Variants in THBS1 observed in about 807,000 individuals in gnomAD.
THBS1 encodes thrombospondin-1.
A neutral mutation model predicts 126.1 loss-of-function variants in THBS1; 29 were observed. The observed-to-expected ratio is 0.23, with a 90% confidence interval of 0.17 to 0.31. The LOEUF is 0.31. Among genes scored for constraint, THBS1 ranks in the 10% least tolerant of loss-of-function variants. THBS1 has a pLI of 1.00. For synonymous variants in THBS1, 496 were observed against 577.8 expected (o/e 0.86, Z 2.03); for missense variants, 1,198 against 1,545.2 (o/e 0.78, Z 3.77).
chr15:39,590,102 C>T, intron 13 of THBS1, 79 bp downstream of exon 13: 1 of 1,267,156 alleles, frequency 7.9e-7, no homozygotes, highest in South Asian at 1.7e-5. Flanking sequence ...ATTTTAAATA[C>T]TTAAAGTTTG....
intron 7 of THBS1, chr15:39,586,491 G>A (rs1348123058): frequency 6.6e-6 from 1 of 152,358 alleles, no homozygotes; most frequent in South Asian, 2.1e-4. Flanking sequence ...ACAGCTAGAT[G>A]TGATTGTAGC....
intron 14 of THBS1, 124 bp downstream of exon 14, chr15:39,590,747 A>C: frequency 1.3e-6 from 1 of 742,872 alleles, no homozygotes; most frequent in Non-Finnish European, 2.3e-6. Flanking sequence ...CAGGATAATT[A>C]GAAATTATTC....
Position 39,582,430 on chromosome 15 carries a change from G to T in THBS1, c.305G>T (p.Gly102Val), listed in dbSNP as rs942247884. The T allele has an allele frequency of 1.9e-6, 3 of 1,614,126 alleles. No individual in the cohort carries two copies. Among genetic ancestry groups the T allele is most frequent in the Non-Finnish European group, 2.5e-6 (3 of 1,179,992 alleles). ...ASLRQMKKTR[G>V]TLLALERKDH... The stretch of plus-strand genomic sequence containing the variant: ...CTGAGGCAGATGAAGAAGACCCGGG[G>T]CACGCTGCTGGCCCTGGAGCGGAAA... Residue 102 changes from glycine to valine, a missense_variant, in exon 3 of 22, where the codon GGC becomes GTC. Gly to Val is a moderately radical substitution (Grantham distance 109). Transcript: ENST00000260356.
rs768628688 is a variant in THBS1 at position 39,582,452 on chromosome 15, G to C, written c.327G>C (p.Arg109=). ...KTRGTLLALE[R]KDHSGQVFSV... ...GGGGCACGCTGCTGGCCCTGGAGCG[G>C]AAAGACCACTCTGGCCAGGTCTTCA... Residue 109 remains arginine, a synonymous_variant, in exon 3 of 22, where the codon CGG becomes CGC. Transcript: ENST00000260356. The C allele has an allele frequency of 6.2e-7, 1 of 1,614,050 alleles. No individual in the cohort carries two copies. The highest frequency in any genetic ancestry group is 8.5e-7 in the Non-Finnish European group (1 of 1,180,002).
Position 39,582,764 on chromosome 15 carries a change from T to A in THBS1, c.627+12T>A, listed in dbSNP as rs776427226. Reference sequence around the variant, plus strand: ...ATGACAATTTCCAGGTGAGGCTTCTTCTCTGAGCCCTGCTCCGTGGGATCA... The same window carrying A: ...ATGACAATTTCCAGGTGAGGCTTCTACTCTGAGCCCTGCTCCGTGGGATCA... On this transcript the variant is annotated intron_variant, in intron 3 of 21. Coordinates refer to ENST00000260356, the MANE Select transcript of THBS1 (RefSeq NM_003246.4). 6.3e-7 allele frequency: 1 copy of A among 1,595,294 alleles called. No individual in the cohort carries two copies. The highest frequency in any genetic ancestry group is 8.5e-7 in the Non-Finnish European group (1 of 1,171,748).
In THBS1 at chr15:39,588,039, T is replaced by C. The variant is rs780941635; in HGVS notation, c.1295-3T>C. On this transcript the variant is annotated splice_polypyrimidine_tract_variant and splice_region_variant and intron_variant, in intron 8 of 21. Coordinates refer to ENST00000260356, the MANE Select transcript of THBS1 (RefSeq NM_003246.4). ...ATTTGTGACCATCAACTCTGTACTT[T>C]AGTTAAACAGGATGGTGGCTGGAGC... The C allele has an allele frequency of 5.0e-6, 8 of 1,613,696 alleles. No homozygotes were observed. The highest frequency in any genetic ancestry group is 3.3e-5 in the South Asian group (3 of 90,972).
In THBS1 at chr15:39,597,486, ATTTG is replaced by A. The variant is rs1890495573; in HGVS notation, c.*2120_*2123del. On this transcript the variant is annotated 3_prime_UTR_variant, in exon 22 of 22. Coordinates refer to ENST00000260356, the MANE Select transcript of THBS1 (RefSeq NM_003246.4). ...ATTTATACTTACTGTATCCATGCTTATTTGTTCTCTACTGGCTTTATGTCATGAA... is the reference window on the plus strand; with the variant it reads ...ATTTATACTTACTGTATCCATGCTTATTCTCTACTGGCTTTATGTCATGAA... The A allele has an allele frequency of 6.6e-6, 1 of 152,008 alleles. No homozygotes were observed. Among genetic ancestry groups the A allele is most frequent in the African/African-American group, 2.4e-5 (1 of 41,396 alleles). The allele number at this position is 152,008 out of a possible 1,614,324, so 9.4% of individuals were successfully genotyped here. A position where few individuals can be genotyped will look rare whatever the true frequency, so the allele number is the denominator to read the frequency against.
chr15:39,583,795 A>G, intron 4 of THBS1, 103 bp downstream of exon 4: 1 of 1,339,282 alleles, frequency 7.5e-7, no homozygotes, highest in Non-Finnish European at 1.1e-6. Flanking sequence ...AATTACCCCC[A>G]GTGAGATCAT....
rs770535076 is a variant in THBS1, at chr15:39,593,701, C to T, written c.3267+33C>T. 1.2e-4 allele frequency: 193 copies of T among 1,605,634 alleles called. No homozygotes were observed. The highest frequency in any genetic ancestry group is 2.2e-4 in the Middle Eastern group (1 of 4,554). ...GCAAAGCCCTGGAACAGAGAGAGAG[C>T]TTATGGGTGCCTGACTAGCACTGGG... On this transcript the variant is annotated intron_variant, in intron 19 of 21. Transcript: ENST00000260356. The surrounding 1 kb of genome is among the most constrained non-coding windows in gnomAD (Gnocchi z 5.9).
In THBS1 at chr15:39,596,600, T is replaced by A. The variant is rs1890451243; in HGVS notation, c.*1231T>A. 6.6e-6 allele frequency: 1 copy of A among 152,234 alleles called. No homozygotes were observed. Among genetic ancestry groups the A allele is most frequent in the Non-Finnish European group, 1.5e-5 (1 of 68,056 alleles). The allele number at this position is 152,234 out of a possible 1,614,324, so 9.4% of individuals were successfully genotyped here. On this transcript the variant is annotated 3_prime_UTR_variant, in exon 22 of 22. Transcript: ENST00000260356. ...TAGTTGACATTTATCAGCAAATCTC[T>A]TGCAAGAACAGCACAAGGAAAATCA... is the stretch of plus-strand genomic sequence containing the variant.
In THBS1 at chr15:39,589,791, T is replaced by G; in HGVS notation, c.1927-14T>G. The G allele has an allele frequency of 6.3e-7, 1 of 1,585,754 alleles. No homozygotes were observed. Among genetic ancestry groups the G allele is most frequent in the Non-Finnish European group, 8.6e-7 (1 of 1,165,750 alleles). On this transcript the variant is annotated splice_polypyrimidine_tract_variant and intron_variant, in intron 12 of 21. Coordinates refer to ENST00000260356, the MANE Select transcript of THBS1 (RefSeq NM_003246.4). The surrounding 1 kb of genome is among the most constrained non-coding windows in gnomAD (Gnocchi z 4.7). ...TCAAAAGCTCTGTGTAACAGCAGCA[T>G]GGTGTACCCTCAGGTGTGCAAGCCC...
At position 39,595,447 on chromosome 15, in the gene THBS1, A is replaced by C; in HGVS notation, c.*78A>C. On this transcript the variant is annotated 3_prime_UTR_variant, in exon 22 of 22. Coordinates refer to ENST00000260356, the MANE Select transcript of THBS1 (RefSeq NM_003246.4). ...CTTCTGGAACTATGGGCTTGAGAAA[A>C]CCCCCAGGATCACTTCTCCTTGGCT... The C allele has an allele frequency of 6.8e-7, 1 of 1,466,370 alleles. No individual in the cohort carries two copies. Among genetic ancestry groups the C allele is most frequent in the Non-Finnish European group, 9.0e-7 (1 of 1,105,514 alleles). 90.8% of individuals were successfully genotyped at this position (1,466,370 alleles called of 1,614,324 possible).
chr15:39,597,008 C>G lies in THBS1; in HGVS notation c.*1639C>G, dbSNP rs1477820872. ...GTCAGTGTTGTACATAGCATAAAAACTCTGCAGAGAAGTATTCCCAATAAG... is the reference window on the plus strand; with the variant it reads ...GTCAGTGTTGTACATAGCATAAAAAGTCTGCAGAGAAGTATTCCCAATAAG... On this transcript the variant is annotated 3_prime_UTR_variant, in exon 22 of 22. Transcript: ENST00000260356. 1 of 152,186 alleles carries G rather than the reference C, an allele frequency of 6.6e-6. No homozygotes were observed. Among genetic ancestry groups the G allele is most frequent in the Non-Finnish European group, 1.5e-5 (1 of 68,032 alleles). 9.4% of individuals were successfully genotyped at this position (152,186 alleles called of 1,614,324 possible).
At position 39,588,466 on chromosome 15, in the gene THBS1, T is replaced by C; in HGVS notation, c.1472-60T>C. ...TCTTGAACGGGCTTAGGAGAGTCTA[T>C]GACAAGGGAGGGATTTGAAAGTTGA... On this transcript the variant is annotated intron_variant, in intron 9 of 21. Coordinates refer to ENST00000260356, the MANE Select transcript of THBS1 (RefSeq NM_003246.4). The C allele has an allele frequency of 9.2e-6, 14 of 1,514,248 alleles. No homozygotes were observed. The South Asian group carries it at 1.8e-4, about 19-fold the overall frequency. 93.8% of individuals were successfully genotyped at this position (1,514,248 alleles called of 1,614,324 possible).
intron 8 of THBS1, 23 bp downstream of exon 8, chr15:39,587,543 G>T: frequency 6.3e-7 from 1 of 1,597,470 alleles, no homozygotes; most frequent in Non-Finnish European, 8.5e-7. Context: ...GCCTCTCAGG[G>T]ACGTGGAGAA....
chr15:39,584,541 G>GTT, intron 6 of THBS1, 119 bp downstream of exon 6: 1 of 1,350,126 alleles, frequency 7.4e-7, no homozygotes, highest in Non-Finnish European at 9.9e-7. Context: ...TGATAACAAA[G>GTT]TGTTTTTTTT....
At chr15:39,581,639 C>CCACT (rs1555384650) in intron 1 of THBS1, 190 bp from the exon 2 acceptor site, 1 of 339,452 alleles carries the variant, frequency 2.9e-6, no homozygotes, top group African/African-American at 2.8e-5. Flanking sequence ...CTTTCCTCCA[C>CCACT]CTCTCTCTCT....
chr15:39,593,454 G>A lies in THBS1; in HGVS notation c.3053G>A (p.Arg1018Lys), dbSNP rs1890369958. The change falls in exon 19 of 22, where the codon AGG (arginine) becomes AAG (lysine). Residue 1018 changes from arginine to lysine, a missense_variant. By Grantham distance (26) the Arg-to-Lys change is conservative. Coordinates refer to ENST00000260356, the MANE Select transcript of THBS1 (RefSeq NM_003246.4). The surrounding 1 kb of genome is among the most constrained non-coding windows in gnomAD (Gnocchi z 5.9). Reference sequence around the variant, plus strand: ...GGCACCTTCTTCATCAACACCGAAAGGGACGATGACTATGCTGGATTTGTC... The same window carrying A: ...GGCACCTTCTTCATCAACACCGAAAAGGACGATGACTATGCTGGATTTGTC... ...FSGTFFINTERDDDYAGFVFG... is the reference protein window; with the variant it reads ...FSGTFFINTEKDDDYAGFVFG... The A allele has an allele frequency of 6.2e-7, 1 of 1,614,170 alleles. No individual in the cohort carries two copies. The highest frequency in any genetic ancestry group is 8.5e-7 in the Non-Finnish European group (1 of 1,180,022).
intron 7 of THBS1, 40 bp downstream of exon 7, chr15:39,585,603 G>C: frequency 1.3e-6 from 2 of 1,587,062 alleles, no homozygotes; most frequent in South Asian, 2.2e-5. Context: ...TCAGTGACTA[G>C]GTCAGTTCTA....
Sources: gnomAD v4.1 joint callset for allele counts on GRCh38, gnomAD v4.1.1 for gene constraint, Gnocchi (gnomAD v3.1) non-coding constraint, MANE v1.5 for transcripts, NCBI Gene and HGNC (gene_info 2026-07-23, HGNC 2026-07-21) for gene names.